The following OGA variants were observed in gnomAD, a reference collection of about 807,000 sequenced individuals.
OGA encodes protein O-GlcNAcase.
OGA carries 21 observed loss-of-function variants against 102.0 expected under a neutral mutation model. That is an observed-to-expected ratio of 0.21 (90% CI 0.15 to 0.30). The LOEUF (loss-of-function observed/expected upper bound fraction) is 0.30. Ranked by LOEUF, OGA falls within the 10% of genes least tolerant of loss-of-function variation. OGA has a pLI of 1.00. For synonymous variants in OGA, 408 were observed against 378.2 expected (o/e 1.08, Z -0.91); for missense variants, 765 against 1,107.8 (o/e 0.69, Z 4.39).
In OGA at chr10:101,785,229, A is replaced by G. The variant is rs1385088825; in HGVS notation, c.*1222T>C. On this transcript the variant is annotated 3_prime_UTR_variant, in exon 16 of 16. Transcript: ENST00000361464. Reference sequence around the variant, plus strand: ...AGCTTCATGCTCAGAACCCTTAAAAACACAGAATCTAAATTAAAATACATG... The same window carrying G: ...AGCTTCATGCTCAGAACCCTTAAAAGCACAGAATCTAAATTAAAATACATG... 6.6e-6 allele frequency: 1 copy of G among 152,254 alleles called. No homozygotes were observed. Among genetic ancestry groups the G allele is most frequent in the East Asian group, 1.9e-4 (1 of 5,204 alleles). The allele number at this position is 152,254 out of a possible 1,614,324, so 9.4% of individuals were successfully genotyped here. A position where few individuals can be genotyped will look rare whatever the true frequency, so the allele number is the denominator to read the frequency against.
chr10:101,810,106 A>G, intron 4 of OGA, 78 bp downstream of exon 4: 3 of 1,303,394 alleles, frequency 2.3e-6, no homozygotes, highest in Non-Finnish European at 3.2e-6. Flanking sequence ...ATTTCCTTTT[A>G]ACATCGTAAA....
chr10:101,803,732 T>G lies in OGA; in HGVS notation c.1036+3A>C. The G allele has an allele frequency of 6.2e-7, 1 of 1,612,872 alleles. No homozygotes were observed. Among genetic ancestry groups the G allele is most frequent in the Non-Finnish European group, 8.5e-7 (1 of 1,178,946 alleles). On this transcript the variant is annotated splice_donor_region_variant and intron_variant, in intron 7 of 15. Transcript: ENST00000361464. ...GGTGAAAGATCAAGTACAGGCTACT[T>G]ACTCATCACTACATCTTTTCTCACT...
intron 5 of OGA, 90 bp downstream of exon 5, chr10:101,807,640 G>C (rs1407440435): frequency 1.1e-6 from 1 of 882,184 alleles, no homozygotes; most frequent in Admixed American, 3.1e-5. Flanking sequence ...CAAAGGAGGA[G>C]GGAAGTGGAG....
intron 14 of OGA, among the ~76,000 whole-genome samples, chr10:101,788,130 TAAAA>T (rs529209574): frequency 9.4e-6 from 1 of 106,702 alleles, no homozygotes; most frequent in Non-Finnish European, 1.9e-5. Flanking sequence ...GACTCTGTCT[TAAAA>T]AAAAAAAAAA....
Position 101,818,155 on chromosome 10 carries a change from C to T in OGA, c.-133G>A. ...TCCGGCTCCTTCCCCTCCCCCTCTG[C>T]CCTTCCCCCTCCCTCTCCGCAGGGA... On this transcript the variant is annotated 5_prime_UTR_variant, in exon 1 of 16. Coordinates refer to ENST00000361464, the MANE Select transcript of OGA (RefSeq NM_012215.5). The T allele has an allele frequency of 2.9e-6, 4 of 1,377,968 alleles. No homozygotes were observed. The highest frequency in any genetic ancestry group is 2.6e-4 in the Middle Eastern group (1 of 3,874). The allele number at this position is 1,377,968 out of a possible 1,614,324, so 85.4% of individuals were successfully genotyped here. A position where few individuals can be genotyped will look rare whatever the true frequency, so the allele number is the denominator to read the frequency against.
chr10:101,792,278 G>A (rs1163631665), intron 12 of OGA, among the ~76,000 whole-genome samples: 3 of 152,184 alleles, frequency 2.0e-5, no homozygotes, highest in Non-Finnish European at 2.9e-5. Context: ...AAAGTGCTGG[G>A]ATTACAGGCA....
Position 101,818,049 on chromosome 10 carries a change from C to A in OGA, c.-27G>T. On this transcript the variant is annotated 5_prime_UTR_variant, in exon 1 of 16. Coordinates refer to ENST00000361464, the MANE Select transcript of OGA (RefSeq NM_012215.5). Reference sequence around the variant, plus strand: ...CTCCTGCCCCCGGCCGCTGCCACCTCTGCGGGTCCTCCTCGACCTCTGTCC... The same window carrying A: ...CTCCTGCCCCCGGCCGCTGCCACCTATGCGGGTCCTCCTCGACCTCTGTCC... 1 of 1,541,614 alleles carries A rather than the reference C, an allele frequency of 6.5e-7. No individual in the cohort carries two copies. The highest frequency in any genetic ancestry group is 8.8e-7 in the Non-Finnish European group (1 of 1,140,174).
chr10:101,799,222 G>C lies in OGA; in HGVS notation c.1429C>G (p.His477Asp). ...CTCAGTATTTGATTGTCATTCTTGT[G>C]GTCCGTTTCTTCTTGTTTTTCCACC... ...MVVEKQEETD[H>D]KNDNQILSEI... The change falls in exon 9 of 16, where the codon CAC (histidine) becomes GAC (aspartate). Residue 477 changes from histidine (H) to aspartate (D), a missense_variant. This residue lies in a region of OGA where 281 missense variants were observed against 345.8 expected (regional missense o/e 0.81). Transcript: ENST00000361464. The C allele has an allele frequency of 6.2e-7, 1 of 1,614,092 alleles. No homozygotes were observed.
rs184192877 is a variant in OGA at position 101,792,823 on chromosome 10, G to A, written c.2175+16C>T. On this transcript the variant is annotated intron_variant, in intron 12 of 15. Coordinates refer to ENST00000361464, the MANE Select transcript of OGA (RefSeq NM_012215.5). The stretch of plus-strand genomic sequence containing the variant: ...CCATACCCATACACCAAGTTGGTAG[G>A]TAGAGAGACAATTACCTCATCCTTA... 1.8e-3 allele frequency: 2,765 copies of A among 1,543,186 alleles called. 9 individuals carry two copies. The highest frequency in any genetic ancestry group is 2.7e-3 in the Admixed American group (161 of 59,846).
intron 1 of OGA, among the ~76,000 whole-genome samples, chr10:101,814,714 G>C (rs2065599746): frequency 1.3e-5 from 2 of 152,196 alleles, no homozygotes; most frequent in South Asian, 4.1e-4. Context: ...CTTAATTACA[G>C]AGCAAAGATC....
chr10:101,797,899 AAATGTTTTTC>A, intron 10 of OGA, 71 bp downstream of exon 10: 1 of 1,392,398 alleles, frequency 7.2e-7, no homozygotes, highest in Non-Finnish European at 1.0e-6. Flanking sequence ...CCAATTCCCT[AAATGTTTTTC>A]TCCCTGTGGG....
chr10:101,789,995 T>C (rs1169365524), intron 14 of OGA, among the ~76,000 whole-genome samples: 2 of 152,132 alleles, frequency 1.3e-5, no homozygotes. Flanking sequence ...CAACATATAC[T>C]GATGTATAAA....
chr10:101,788,494 T>C (rs1428228154), intron 14 of OGA, among the ~76,000 whole-genome samples: 3 of 150,836 alleles, frequency 2.0e-5, no homozygotes, highest in Admixed American at 1.3e-4. Context: ...CCCAGAACTT[T>C]GGGAGGCCGA....
At chr10:101,815,713 G>A (rs1243704626) in intron 1 of OGA, among the ~76,000 whole-genome samples, 3 of 151,798 alleles carry the variant, frequency 2.0e-5, no homozygotes, top group Non-Finnish European at 4.4e-5. Flanking sequence ...TATAAAAAAA[G>A]ACTTTTCAAA....
At chr10:101,814,571 C>T (rs973859326) in intron 1 of OGA, among the ~76,000 whole-genome samples, 2 of 152,138 alleles carry the variant, frequency 1.3e-5, no homozygotes, top group Non-Finnish European at 2.9e-5. Flanking sequence ...GCCTAGGTGA[C>T]AGAGCAAAAC....
chr10:101,805,783 G>C (rs1030287165), intron 6 of OGA, among the ~76,000 whole-genome samples: 4 of 151,028 alleles, frequency 2.6e-5, no homozygotes, highest in African/African-American at 9.8e-5. Flanking sequence ...GTGAAACCCT[G>C]TCTCTACTAA....
intron 14 of OGA, among the ~76,000 whole-genome samples, chr10:101,788,714 G>A (rs1405793569): frequency 2.0e-5 from 3 of 149,334 alleles, no homozygotes; most frequent in South Asian, 2.1e-4. Context: ...CACCCCAGGC[G>A]ACAGAGGGAA....
At chr10:101,795,602 A>G (rs557570719) in intron 10 of OGA, among the ~76,000 whole-genome samples, 1 of 152,212 alleles carries the variant, frequency 6.6e-6, no homozygotes, top group Admixed American at 6.5e-5. Context: ...AAGGGTTCCA[A>G]TCAGTAAACC....
At chr10:101,786,637 T>A in intron 15 of OGA, 50 bp from the exon 16 acceptor site, 1 of 1,390,628 alleles carries the variant, frequency 7.2e-7, no homozygotes, top group Non-Finnish European at 9.6e-7. Context: ...TTAATTAGTA[T>A]AATTATAGAT....
Sources: gnomAD v4.1 joint callset for allele counts (sites outside exome capture counted in the v4.1 genomes callset) on GRCh38, gnomAD v4.1.1 for gene constraint, gnomAD v4.1.1 regional missense constraint, MANE v1.5 for transcripts, NCBI Gene and HGNC (gene_info 2026-07-23, HGNC 2026-07-21) for gene names.